The following PCLO variants were observed in gnomAD, a reference collection of about 807,000 sequenced individuals.
The protein encoded by PCLO is piccolo presynaptic cytomatrix protein.
PCLO carries 82 observed loss-of-function variants against 427.5 expected under a neutral mutation model. The ratio of observed to expected loss-of-function variants is 0.19; its 90% CI spans 0.16 to 0.23. PCLO has a LOEUF of 0.23. PCLO is among the 10% of genes least tolerant of loss of function. The pLI, the probability that PCLO is intolerant of heterozygous loss-of-function variation, is 1.00. For missense variants in PCLO, 6,239 were observed against 6,115.9 expected, an observed-to-expected ratio of 1.02 and a Z score of -0.67; for synonymous variants, 2,357 against 2,155.4, an observed-to-expected ratio of 1.09 and a Z score of -2.59.
At position 82,824,787 on chromosome 7, in the gene PCLO, C is replaced by CA. The variant is rs572757696; in HGVS notation, c.14416-372dup. On this transcript the variant is annotated intron_variant, in intron 18 of 24. Transcript: ENST00000333891. The stretch of plus-strand genomic sequence containing the variant: ...TGAAATCCCGTCTCTGCTAAAAATA[C>CA]AAAAAAAAAAAATTAGCTGGGCGTG... Among the ~76,000 whole-genome samples the CA allele has an allele frequency of 7.9e-3, 1,124 of 141,652 alleles. 7 individuals carry two copies. Among genetic ancestry groups the CA allele is most frequent in the Middle Eastern group, 0.018 (5 of 284 alleles). The allele number at this position is 141,652 out of a possible 152,430, so 92.9% of individuals were successfully genotyped here. A position where few individuals can be genotyped will look rare whatever the true frequency, so the allele number is the denominator to read the frequency against.
intron 3 of PCLO, among the ~76,000 whole-genome samples, chr7:83,009,989 G>A (rs947740817): frequency 2.0e-5 from 3 of 151,790 alleles, no homozygotes; most frequent in Non-Finnish European, 4.4e-5. Context: ...GACATTTCTG[G>A]ATACCACTTC....
chr7:82,909,108 T>G lies in PCLO; in HGVS notation c.13301-95A>C, dbSNP rs144130836. 4.0e-4 allele frequency: 475 copies of G among 1,186,332 alleles called. 5 individuals are homozygous for G. The East Asian group carries it at 0.01, about 26-fold the overall frequency. The allele number at this position is 1,186,332 out of a possible 1,614,324, so 73.5% of individuals were successfully genotyped here. ...TCTGTAGTACTAGCATGCACTAGGC[T>G]TGTTAACCATACATGCATTTCAAAC... On this transcript the variant is annotated intron_variant, in intron 7 of 24. Transcript: ENST00000333891.
intron 21 of PCLO, among the ~76,000 whole-genome samples, chr7:82,804,353 T>A (rs986019468): frequency 2.0e-5 from 3 of 152,082 alleles, no homozygotes; most frequent in Admixed American, 2.0e-4. Context: ...TTGAAAAAAA[T>A]GTAGTTCAAA....
At chr7:83,044,732 T>TA (rs1789063591) in intron 3 of PCLO, among the ~76,000 whole-genome samples, 1 of 152,136 alleles carries the variant, frequency 6.6e-6, no homozygotes, top group African/African-American at 2.4e-5. Context: ...TTTGGAACAC[T>TA]AAATCGCACA....
intron 6 of PCLO, among the ~76,000 whole-genome samples, chr7:82,939,672 G>T (rs13235639): frequency 0.53 from 77,811 of 146,620 alleles, 20,950 homozygotes; most frequent in East Asian, 0.8. Flanking sequence ...GAGAGAGAGA[G>T]AAATAGATAT....
intron 22 of PCLO, among the ~76,000 whole-genome samples, chr7:82,772,053 TACAGCCTTAAAGA>T (rs1320827984): frequency 1.3e-5 from 2 of 152,178 alleles, no homozygotes; most frequent in African/African-American, 4.8e-5. Context: ...ATATTCCATC[TACAGCCTTAAAGA>T]ACTGTCCCTT....
intron 9 of PCLO, among the ~76,000 whole-genome samples, chr7:82,886,079 A>G (rs1388583932): frequency 6.6e-6 from 1 of 152,156 alleles, no homozygotes; most frequent in African/African-American, 2.4e-5. Context: ...GAAACTACCA[A>G]GATATGAAAA....
chr7:82,915,148 C>T lies in PCLO; in HGVS notation c.12838G>A (p.Asp4280Asn). The change falls in exon 7 of 25, where the codon GAT (aspartate) becomes AAT (asparagine). Residue 4280 changes from aspartate to asparagine, a missense_variant. Asp to Asn is a conservative substitution (Grantham distance 23). This residue lies in a region of PCLO where 680 missense variants were observed against 677.3 expected (regional missense o/e 1.00). Coordinates refer to ENST00000333891, the MANE Select transcript of PCLO (RefSeq NM_033026.6). ...TIRSALQDEA[D>N]KPYSSGSRSR... ...CTGCTGCCACTACTGTATGGCTTAT[C>T]CGCTTCATCCTGCAGAGCTGAGCGT... The T allele has an allele frequency of 1.3e-6, 2 of 1,592,034 alleles. No homozygotes were observed. The highest frequency in any genetic ancestry group is 1.1e-5 in the South Asian group (1 of 88,984).
intron 22 of PCLO, among the ~76,000 whole-genome samples, chr7:82,785,008 C>T (rs530995896): frequency 2.0e-5 from 3 of 152,226 alleles, no homozygotes; most frequent in African/African-American, 7.2e-5. Flanking sequence ...TTACTAATGC[C>T]TTTGTAAATG....
chr7:83,135,425 G>A lies in PCLO; in HGVS notation c.2125C>T (p.Gln709Ter). 6.2e-7 allele frequency: 1 copy of A among 1,613,934 alleles called. No homozygotes were observed. Residue 709 changes from glutamine (Q) to a stop codon, truncating the protein, a stop_gained, in exon 3 of 25, where the codon CAA becomes TAA. Transcript: ENST00000333891. LOFTEE classifies it high-confidence loss of function. ...GAAGGAGAGCCATGAAGGGTTGGTT[G>A]TTTCACTAGTGGTGGTGGCTTTTTA... ...EPKKPPPLVKQPTLHGSPSAK... is the reference protein window; with the variant it reads ...EPKKPPPLVK
At chr7:83,122,479 T>C (rs940540719) in intron 3 of PCLO, among the ~76,000 whole-genome samples, 2 of 152,042 alleles carry the variant, frequency 1.3e-5, no homozygotes, top group African/African-American at 4.8e-5. Flanking sequence ...AGAGAGAGTG[T>C]TTCACCATGT....
chr7:82,780,147 G>A (rs1790842165), intron 22 of PCLO, among the ~76,000 whole-genome samples: 1 of 152,050 alleles, frequency 6.6e-6, no homozygotes, highest in Admixed American at 6.6e-5. Context: ...TTCACAAACC[G>A]GTTTATGTGA....
At chr7:82,918,102 G>A (rs116372196) in intron 6 of PCLO, among the ~76,000 whole-genome samples, 1,555 of 152,012 alleles carry the variant, frequency 0.01, 27 homozygotes, top group African/African-American at 0.035. Context: ...ATATTTGGAT[G>A]GAAATGAATA....
intron 4 of PCLO, among the ~76,000 whole-genome samples, chr7:82,959,701 T>C (rs890547411): frequency 1.3e-5 from 2 of 152,176 alleles, no homozygotes; most frequent in Admixed American, 1.3e-4. Context: ...TACCCACTTA[T>C]TCCTCCTCTC....
chr7:82,914,823 G>A lies in PCLO; in HGVS notation c.13163C>T (p.Thr4388Ile). 1 of 1,613,456 alleles carries A rather than the reference G, an allele frequency of 6.2e-7. No homozygotes were observed. The highest frequency in any genetic ancestry group is 8.5e-7 in the Non-Finnish European group (1 of 1,179,700). Residue 4388 changes from threonine (T) to isoleucine (I), a missense_variant, in exon 7 of 25, where the codon ACC becomes ATC. Physicochemically the swap from Thr to Ile is moderately conservative, Grantham distance 89. Coordinates refer to ENST00000333891, the MANE Select transcript of PCLO (RefSeq NM_033026.6). ...GTGGCTTGATCCAAACTGATCCCTG[G>A]TGTCTGCAGATATTGGTGGCAGGGG... ...AGPLPPISAD[T>I]RDQFGSSHSL...
In PCLO at chr7:82,965,926, C is replaced by A. The variant is rs199689461; in HGVS notation, c.3862G>T (p.Gly1288Trp). 1.4e-4 allele frequency: 220 copies of A among 1,613,882 alleles called. No homozygotes were observed. In the African/African-American group the frequency reaches 2.5e-3, roughly 19 times the overall value. The change falls in exon 4 of 25, where the codon GGG becomes TGG. Residue 1288 changes from glycine to tryptophan, a missense_variant. Physicochemically the swap from Gly to Trp is radical, Grantham distance 184. This residue lies in a region of PCLO where 4,677 missense variants were observed against 4,468.4 expected (regional missense o/e 1.05). Coordinates refer to ENST00000333891, the MANE Select transcript of PCLO (RefSeq NM_033026.6). ...GRVAPKTVQE[G>W]KQPQTKMEGL... ...TCCATCTTGGTCTGTGGTTGTTTCC[C>A]TTCTTGCACTGTCTTTGGAGCCACT...
chr7:82,912,688 C>T (rs552592491), intron 7 of PCLO, among the ~76,000 whole-genome samples: 1 of 152,088 alleles, frequency 6.6e-6, no homozygotes, highest in East Asian at 1.9e-4. Context: ...GTTTTTCACA[C>T]AGTCTTTGAT....
At chr7:82,766,213 A>G (rs533190200) in intron 22 of PCLO, among the ~76,000 whole-genome samples, 1 of 152,248 alleles carries the variant, frequency 6.6e-6, no homozygotes, top group South Asian at 2.1e-4. Flanking sequence ...GCTTATCACT[A>G]TGAAGATTCA....
intron 20 of PCLO, among the ~76,000 whole-genome samples, chr7:82,807,340 C>T (rs993096096): frequency 2.0e-5 from 3 of 152,090 alleles, no homozygotes; most frequent in African/African-American, 7.2e-5. Flanking sequence ...GCGTCCCTAT[C>T]CCATTAGGAG....
Sources: gnomAD v4.1 joint callset for allele counts (sites outside exome capture counted in the v4.1 genomes callset) on GRCh38, gnomAD v4.1.1 for gene constraint, gnomAD v4.1.1 regional missense constraint, MANE v1.5 for transcripts, NCBI Gene and HGNC (gene_info 2026-07-23, HGNC 2026-07-21) for gene names.